MICAL3: variants seen among roughly 807,000 people sequenced by gnomAD.
MICAL3 encodes the protein [F-actin]-monooxygenase MICAL3.
MICAL3 carries 62 observed loss-of-function variants against 207.4 expected under a neutral mutation model. That is an observed-to-expected ratio of 0.30 (90% CI 0.24 to 0.37). MICAL3 has a LOEUF of 0.37. Ranked by LOEUF, MICAL3 falls within the 10% of genes least tolerant of loss-of-function variation. The pLI is 1.00. For synonymous variants in MICAL3, 1,077 were observed against 1,069.3 expected, an observed-to-expected ratio of 1.01 and a Z score of -0.14; for missense variants, 2,368 against 2,635.6, an observed-to-expected ratio of 0.90 and a Z score of 2.22.
At chr22:17,915,678 C>T (rs1932450458) in intron 1 of MICAL3, among the ~76,000 whole-genome samples, 1 of 152,178 alleles carries the variant, frequency 6.6e-6, no homozygotes, top group South Asian at 2.1e-4. Context: ...TCAGCACCAT[C>T]TGAAAGGTCA....
At chr22:17,887,831 T>A (rs1021259924) in intron 13 of MICAL3, among the ~76,000 whole-genome samples, 1 of 152,176 alleles carries the variant, frequency 6.6e-6, no homozygotes, top group African/African-American at 2.4e-5. Flanking sequence ...GGCGATGAAC[T>A]CAGGGTTCCT....
intron 27 of MICAL3, chr22:17,812,631 A>C: frequency 1.4e-6 from 1 of 738,512 alleles, no homozygotes; most frequent in African/African-American, 1.9e-5. Flanking sequence ...AAAAATTAAG[A>C]ACACAGAAAT....
At chr22:17,824,853 G>C (rs1373768198) in intron 22 of MICAL3, among the ~76,000 whole-genome samples, 1 of 152,228 alleles carries the variant, frequency 6.6e-6, no homozygotes, top group Non-Finnish European at 1.5e-5. Flanking sequence ...CAAACACCAG[G>C]GAGTGGGACT....
chr22:17,970,327 C>A (rs557572179), intron 1 of MICAL3, among the ~76,000 whole-genome samples: 1 of 152,158 alleles, frequency 6.6e-6, no homozygotes, highest in Admixed American at 6.5e-5. Flanking sequence ...CTGGCCCATG[C>A]TTAGAGGATG....
chr22:17,799,987 T>C (rs1453051978), intron 29 of MICAL3, among the ~76,000 whole-genome samples: 1 of 140,624 alleles, frequency 7.1e-6, no homozygotes, highest in African/African-American at 2.9e-5. Context: ...CACACACGCG[T>C]TGGGAAACCT....
intron 19 of MICAL3, among the ~76,000 whole-genome samples, chr22:17,850,402 T>C (rs1436705931): frequency 1.0e-5 from 1 of 97,044 alleles, no homozygotes; most frequent in East Asian, 2.6e-4. Flanking sequence ...TTGAATTAGT[T>C]TTTTTTTTTT....
chr22:17,966,875 G>A (rs1935166383), intron 1 of MICAL3, among the ~76,000 whole-genome samples: 2 of 144,976 alleles, frequency 1.4e-5, no homozygotes. Context: ...ATTATTGGAG[G>A]TTAGGGTTAT....
chr22:17,843,309 T>A (rs9618140), intron 19 of MICAL3, among the ~76,000 whole-genome samples: 21,933 of 152,004 alleles, frequency 0.14, 2,587 homozygotes, highest in African/African-American at 0.32. Flanking sequence ...TCCCTTATCA[T>A]CACCACTATT....
intron 16 of MICAL3, among the ~76,000 whole-genome samples, chr22:17,874,481 T>G (rs1928060728): frequency 6.6e-6 from 1 of 152,166 alleles, no homozygotes; most frequent in African/African-American, 2.4e-5. Flanking sequence ...GCCAGGACCC[T>G]TTTCTCCTGA....
chr22:17,919,076 G>GTTTTTTTTTTTTTT lies in MICAL3; in HGVS notation c.-74-12204_-74-12191dup, dbSNP rs35096617. ...CTCCAAATGTTTTTGGTTTTTGTGGGTTTTTTTTTTTTTTGAGACAGGCTC... is the reference window on the plus strand; with the variant it reads ...CTCCAAATGTTTTTGGTTTTTGTGGGTTTTTTTTTTTTTTTTTTTTTTTTTTTTGAGACAGGCTC... On this transcript the variant is annotated intron_variant, in intron 1 of 31. Transcript: ENST00000441493. Among the ~76,000 whole-genome samples the GTTTTTTTTTTTTTT allele has an allele frequency of 7.1e-3, 971 of 136,248 alleles. 55 individuals are homozygous for GTTTTTTTTTTTTTT. Among genetic ancestry groups the GTTTTTTTTTTTTTT allele is most frequent in the African/African-American group, 0.026 (886 of 33,624 alleles). 89.4% of individuals were successfully genotyped at this position (136,248 alleles called of 152,430 possible).
At chr22:17,877,428 A>AGGGAAG (rs1928861795) in intron 16 of MICAL3, among the ~76,000 whole-genome samples, 1 of 17,396 alleles carries the variant, frequency 5.7e-5, no homozygotes, top group Non-Finnish European at 1.0e-4. Context: ...GGTTAGGGAG[A>AGGGAAG]TTATGGAGGT....
At chr22:17,981,945 A>T (rs1935926180) in intron 1 of MICAL3, among the ~76,000 whole-genome samples, 1 of 152,014 alleles carries the variant, frequency 6.6e-6, no homozygotes, top group Admixed American at 6.6e-5. Context: ...TCTACAAAAA[A>T]ATTAACGAAA....
In MICAL3 at chr22:17,993,500, T is replaced by G. The variant is rs550010951; in HGVS notation, c.-75+30781A>C. On this transcript the variant is annotated intron_variant, in intron 1 of 31. Coordinates refer to ENST00000441493, the MANE Select transcript of MICAL3 (RefSeq NM_015241.3). ...TTAGCTGGGGCAATAATGGATCTGC[T>G]TGGGTTCCACAACTTGGGAATCAGA... Among the ~76,000 whole-genome samples, 53 of 152,274 alleles carry G rather than the reference T, an allele frequency of 3.5e-4. 1 individual carries two copies. The South Asian group carries it at 0.011, about 31-fold the overall frequency.
At chr22:17,807,726 C>G (rs1361891735) in intron 29 of MICAL3, among the ~76,000 whole-genome samples, 1 of 152,142 alleles carries the variant, frequency 6.6e-6, no homozygotes, top group Non-Finnish European at 1.5e-5. Flanking sequence ...ATCTTGACAC[C>G]AGGCACTTCC....
intron 1 of MICAL3, among the ~76,000 whole-genome samples, chr22:18,001,935 C>A (rs556761445): frequency 6.6e-6 from 1 of 152,276 alleles, no homozygotes; most frequent in South Asian, 2.1e-4. Context: ...CGGTGGCTAA[C>A]GCCTGTAATC....
chr22:17,936,953 A>G (rs967670205), intron 1 of MICAL3, among the ~76,000 whole-genome samples: 16 of 152,188 alleles, frequency 1.1e-4, no homozygotes, highest in African/African-American at 3.4e-4. Context: ...GCAAGAGCAC[A>G]GTGATGACTA....
intron 16 of MICAL3, among the ~76,000 whole-genome samples, chr22:17,877,474 TTA>T: frequency 7.7e-6 from 1 of 130,052 alleles, no homozygotes; most frequent in Admixed American, 7.3e-5. Flanking sequence ...ATTATGGAGG[TTA>T]GGGAGGTTAT....
At chr22:17,897,551 C>G (rs932024265) in intron 7 of MICAL3, among the ~76,000 whole-genome samples, 4 of 151,594 alleles carry the variant, frequency 2.6e-5, no homozygotes, top group Non-Finnish European at 5.9e-5. Context: ...CTTCTTTGAT[C>G]TTATCCAATC....
Position 17,792,557 on chromosome 22 carries a change from C to G in MICAL3, c.5651-1256G>C, listed in dbSNP as rs147098248. 9.9e-3 allele frequency among the ~76,000 whole-genome samples: 1,504 copies of G among 152,356 alleles called. 13 individuals carry two copies. The highest frequency in any genetic ancestry group is 0.017 in the Non-Finnish European group (1,166 of 68,032). On this transcript the variant is annotated intron_variant, in intron 29 of 31. Transcript: ENST00000441493. Reference sequence around the variant, plus strand: ...AGCCCGAGTCCTCCCTCACTGCTAGCTGCCTTTCTCCACCTGCCTTTCTGG... The same window carrying G: ...AGCCCGAGTCCTCCCTCACTGCTAGGTGCCTTTCTCCACCTGCCTTTCTGG...
Sources: gnomAD v4.1 joint callset for allele counts (sites outside exome capture counted in the v4.1 genomes callset) on GRCh38, gnomAD v4.1.1 for gene constraint, MANE v1.5 for transcripts, NCBI Gene and HGNC (gene_info 2026-07-23, HGNC 2026-07-21) for gene names.